The following SERGEF variants were observed in gnomAD, a reference collection of about 807,000 sequenced individuals.
The protein encoded by SERGEF is secretion-regulating guanine nucleotide exchange factor.
Under a neutral mutation model 50.0 loss-of-function variants are expected in SERGEF, and 51 were observed. That is an observed-to-expected ratio of 1.02 (90% CI 0.81 to 1.29). The LOEUF is 1.29. Among genes scored for constraint, SERGEF ranks in the 50% most tolerant of loss-of-function variants. The pLI is 0.00. For missense variants in SERGEF, 521 were observed against 557.0 expected (o/e 0.94, Z 0.65); for synonymous variants, 205 against 212.4 (o/e 0.97, Z 0.30).
intron 9 of SERGEF, among the ~76,000 whole-genome samples, chr11:17,954,347 A>C (rs763415009): frequency 1.3e-5 from 2 of 152,188 alleles, no homozygotes; most frequent in Non-Finnish European, 2.9e-5. Flanking sequence ...CAGTCTTCCG[A>C]GGGAGCTGTA....
At chr11:17,844,702 C>T (rs1347762995) in intron 10 of SERGEF, among the ~76,000 whole-genome samples, 1 of 152,126 alleles carries the variant, frequency 6.6e-6, no homozygotes, top group Non-Finnish European at 1.5e-5. Flanking sequence ...AATCCCTTTG[C>T]CTCACAAGAG....
intron 10 of SERGEF, among the ~76,000 whole-genome samples, chr11:17,838,938 T>C (rs1438049680): frequency 1.3e-5 from 2 of 152,198 alleles, no homozygotes; most frequent in Non-Finnish European, 2.9e-5. Flanking sequence ...CAATAATTAG[T>C]TGGGTGACCT....
At chr11:17,879,316 T>A (rs1851298322) in intron 9 of SERGEF, among the ~76,000 whole-genome samples, 1 of 152,160 alleles carries the variant, frequency 6.6e-6, no homozygotes. Context: ...TAAGAGGAGC[T>A]CTAGGCTTTA....
In SERGEF at chr11:17,994,280, C is replaced by G. The variant is rs976940972; in HGVS notation, c.623-1287G>C. Reference sequence around the variant, plus strand: ...ACGAGGTCAGGAGATCGAGACCATCCTGGTTAACACGGTGAAAACCCTGTC... The same window carrying G: ...ACGAGGTCAGGAGATCGAGACCATCGTGGTTAACACGGTGAAAACCCTGTC... On this transcript the variant is annotated intron_variant, in intron 6 of 10. Transcript: ENST00000265965. 3.3e-5 allele frequency among the ~76,000 whole-genome samples: 5 copies of G among 151,932 alleles called. No individual in the cohort carries two copies. The East Asian group carries it at 9.7e-4, about 29-fold the overall frequency.
At chr11:17,994,065 C>A (rs977985124) in intron 6 of SERGEF, among the ~76,000 whole-genome samples, 2 of 152,066 alleles carry the variant, frequency 1.3e-5, no homozygotes, top group African/African-American at 4.8e-5. Context: ...AATGACACAC[C>A]GCTTCCACCC....
chr11:17,876,075 T>C (rs1012592720), intron 10 of SERGEF, among the ~76,000 whole-genome samples: 4 of 152,198 alleles, frequency 2.6e-5, no homozygotes, highest in Non-Finnish European at 4.4e-5. Context: ...TTCTTGTAGC[T>C]TCCTGTTTCA....
At chr11:17,889,522 T>A (rs888662918) in intron 9 of SERGEF, among the ~76,000 whole-genome samples, 7 of 152,154 alleles carry the variant, frequency 4.6e-5, no homozygotes, top group Non-Finnish European at 7.3e-5. Context: ...AATGTCAATG[T>A]CATAAGAGAT....
rs149612383 is a variant in SERGEF at position 17,878,225 on chromosome 11, T to G, written c.1031A>C (p.His344Pro). ...TTACTTACCAATTATTGCCAAATTA[T>G]GCTCTGAGCCACAAGAGACCTGTAA... The part of the protein sequence containing the change: ...GATEVSCGSE[H>P]NLAIIGGVCY... Residue 344 changes from histidine (H) to proline (P), a missense_variant, in exon 10 of 11, where the codon CAT becomes CCT. Transcript: ENST00000265965. The G allele has an allele frequency of 8.1e-5, 129 of 1,584,594 alleles. No homozygotes were observed. In the African/African-American group the frequency reaches 1.5e-3, roughly 19 times the overall value.
intron 9 of SERGEF, among the ~76,000 whole-genome samples, chr11:17,920,256 C>T (rs539940538): frequency 1.8e-3 from 277 of 152,226 alleles, no homozygotes; most frequent in African/African-American, 6.4e-3. Flanking sequence ...CAAAAACAAA[C>T]AAACAAACAA....
chr11:17,815,779 G>A (rs1223878465), intron 10 of SERGEF, among the ~76,000 whole-genome samples: 2 of 151,900 alleles, frequency 1.3e-5, no homozygotes, highest in Non-Finnish European at 2.9e-5. Flanking sequence ...AAAATTAGCT[G>A]GGCGTGGTGG....
intron 10 of SERGEF, among the ~76,000 whole-genome samples, chr11:17,789,974 G>T (rs1478795160): frequency 1.3e-5 from 2 of 152,166 alleles, no homozygotes; most frequent in African/African-American, 4.8e-5. Flanking sequence ...GACAGAGCGA[G>T]ACTTTGTCTC....
chr11:18,000,876 G>A, intron 4 of SERGEF: 1 of 510,080 alleles, frequency 2.0e-6, no homozygotes, highest in Non-Finnish European at 3.8e-6. Flanking sequence ...ACAGGCCACA[G>A]TTTCTGTCAC....
At chr11:17,904,906 A>G (rs1470286776) in intron 9 of SERGEF, among the ~76,000 whole-genome samples, 1 of 152,232 alleles carries the variant, frequency 6.6e-6, no homozygotes, top group African/African-American at 2.4e-5. Flanking sequence ...CACAGGCAGA[A>G]GTTTCACCTA....
chr11:17,882,423 A>AG (rs1198373187), intron 9 of SERGEF, among the ~76,000 whole-genome samples: 1 of 151,212 alleles, frequency 6.6e-6, no homozygotes, highest in East Asian at 1.9e-4. Context: ...AGTCTCAAAA[A>AG]AAAAAAAAAA....
Position 17,995,836 on chromosome 11 carries a change from AAG to A in SERGEF, c.580_581del (p.Leu194SerfsTer19). ...CGRRLCPGQT[L>X]PLFFTAKEPS... ...GTTCCTTTGCTGTGAAAAACAATGG[AAG>A]AGTCTGCCCAGGGCACAACCGTCGT... On this transcript the variant is annotated frameshift_variant, in exon 6 of 11. Coordinates refer to ENST00000265965, the MANE Select transcript of SERGEF (RefSeq NM_012139.4). LOFTEE classifies it high-confidence loss of function. 1 of 1,614,042 alleles carries A rather than the reference AAG, an allele frequency of 6.2e-7. No individual in the cohort carries two copies. Among genetic ancestry groups the A allele is most frequent in the African/African-American group, 1.3e-5 (1 of 75,040 alleles).
intron 9 of SERGEF, among the ~76,000 whole-genome samples, chr11:17,913,562 G>T (rs142159660): frequency 4.6e-5 from 7 of 152,256 alleles, no homozygotes; most frequent in Non-Finnish European, 7.4e-5. Flanking sequence ...GGTAGCTTTG[G>T]GGGGTACTGA....
intron 9 of SERGEF, among the ~76,000 whole-genome samples, chr11:17,889,044 T>C (rs560319753): frequency 3.9e-4 from 59 of 152,214 alleles, no homozygotes; most frequent in Non-Finnish European, 4.3e-4. Context: ...GAGCAATAGA[T>C]AGATAGGGAA....
At chr11:17,868,888 C>T (rs758045426) in intron 10 of SERGEF, among the ~76,000 whole-genome samples, 1 of 152,116 alleles carries the variant, frequency 6.6e-6, no homozygotes, top group Non-Finnish European at 1.5e-5. Context: ...ATGAGAAAGA[C>T]CTGCTCCCAT....
At chr11:17,928,598 T>C (rs1426718286) in intron 9 of SERGEF, among the ~76,000 whole-genome samples, 1 of 151,978 alleles carries the variant, frequency 6.6e-6, no homozygotes, top group African/African-American at 2.4e-5. Context: ...AAATGTTTTA[T>C]GAGTGAATGA....
Sources: gnomAD v4.1 joint callset for allele counts (sites outside exome capture counted in the v4.1 genomes callset) on GRCh38, gnomAD v4.1.1 for gene constraint, MANE v1.5 for transcripts, NCBI Gene and HGNC (gene_info 2026-07-23, HGNC 2026-07-21) for gene names.